The following NXPE2 variants were observed in gnomAD, a reference collection of about 807,000 sequenced individuals.
NXPE2 encodes the protein neurexophilin and PC-esterase domain family member 2.
NXPE2 carries 34 observed loss-of-function variants against 34.4 expected under a neutral mutation model. The observed-to-expected ratio is 0.99, with a 90% CI of 0.75 to 1.31. The LOEUF (loss-of-function observed/expected upper bound fraction) is 1.31, where lower values mean the gene tolerates loss of function less well. Among genes scored for constraint, NXPE2 ranks in the 40% most tolerant of loss-of-function variants. The probability of loss-of-function intolerance (pLI) is 0.00; values close to 1 mark genes in which losing one functional copy is unlikely to be tolerated. For missense variants in NXPE2, 649 were observed against 672.5 expected (o/e 0.97, Z 0.39); for synonymous variants, 235 against 231.3 (o/e 1.02, Z -0.15).
At chr11:114,672,245 CA>C in the NXPE2 span, among the ~76,000 whole-genome samples, 5 of 151,764 alleles carry the variant, frequency 3.3e-5, no homozygotes, top group African/African-American at 1.2e-4. Flanking sequence ...ATATCACACA[CA>C]AAAAGCAACT....
the NXPE2 span, among the ~76,000 whole-genome samples, chr11:114,464,991 A>G: frequency 1.3e-5 from 2 of 152,202 alleles, no homozygotes; most frequent in Non-Finnish European, 2.9e-5. Flanking sequence ...TTAAACTACA[A>G]TAAGAAATTT....
the NXPE2 span, among the ~76,000 whole-genome samples, chr11:114,793,374 G>C: frequency 2.0e-5 from 3 of 151,878 alleles, no homozygotes; most frequent in Non-Finnish European, 4.4e-5. Flanking sequence ...CTAAACAAAA[G>C]ACATAGAAGA....
At chr11:114,582,144 C>G in the NXPE2 span, 1 of 855,504 alleles carries the variant, frequency 1.2e-6, no homozygotes, top group Non-Finnish European at 1.8e-6. Flanking sequence ...GGCACTGTCT[C>G]TAAATGAATT....
At chr11:114,530,601 C>T in the NXPE2 span, 1 of 1,614,150 alleles carries the variant, frequency 6.2e-7, no homozygotes, top group South Asian at 1.1e-5. Context: ...CAGGAAATCC[C>T]CACCATATTG....
At chr11:114,467,563 A>G in the NXPE2 span, among the ~76,000 whole-genome samples, 2 of 152,172 alleles carry the variant, frequency 1.3e-5, no homozygotes, top group African/African-American at 4.8e-5. Flanking sequence ...ATGCCTCAGT[A>G]CTAGGGACCG....
the NXPE2 span, among the ~76,000 whole-genome samples, chr11:114,645,497 A>G: frequency 1.1e-4 from 16 of 152,148 alleles, no homozygotes; most frequent in Non-Finnish European, 1.6e-4. Flanking sequence ...ACCAAAAACA[A>G]AAACATAAAT....
the NXPE2 span, among the ~76,000 whole-genome samples, chr11:114,802,472 CAGTCACAGGCCAGGAGAACAG>C: frequency 6.6e-6 from 1 of 152,200 alleles, no homozygotes; most frequent in African/African-American, 2.4e-5. Flanking sequence ...TCCTTGGAAC[CAGTCACAGGCCAGGAGAACAG>C]AATAACACAG....
the NXPE2 span, among the ~76,000 whole-genome samples, chr11:114,543,567 G>A: frequency 6.6e-6 from 1 of 151,688 alleles, no homozygotes; most frequent in Non-Finnish European, 1.5e-5. Flanking sequence ...CCAAATCACT[G>A]TGGCTTACAT....
chr11:114,475,235 T>G, the NXPE2 span, among the ~76,000 whole-genome samples: 1 of 23,554 alleles, frequency 4.2e-5, no homozygotes, highest in South Asian at 1.9e-3. Flanking sequence ...TGTTTTTTTT[T>G]TTTTTTTTTT....
the NXPE2 span, among the ~76,000 whole-genome samples, chr11:114,769,043 T>A: frequency 6.6e-6 from 1 of 151,656 alleles, no homozygotes; most frequent in Non-Finnish European, 1.5e-5. Flanking sequence ...CGGGAGAAAA[T>A]TTTTGCAATC....
the NXPE2 span, among the ~76,000 whole-genome samples, chr11:114,766,519 C>T: frequency 6.6e-6 from 1 of 152,106 alleles, no homozygotes; most frequent in African/African-American, 2.4e-5. Flanking sequence ...CACTCCTCTC[C>T]TTGCTTTATT....
the NXPE2 span, among the ~76,000 whole-genome samples, chr11:114,752,911 C>T: frequency 1.4e-4 from 21 of 152,048 alleles, no homozygotes; most frequent in African/African-American, 5.1e-4. Context: ...GATAAGAAGA[C>T]CAAGGAAGAC....
rs1174128075 is a variant in NXPE2 at position 114,679,722 on chromosome 11, T to C, written c.92T>C (p.Ile31Thr). ...KLLLMLTFIL[I>T]FWIIYLASKD... ...CTGCTGATGTTGACATTTATCTTAATTTTCTGGATCATTTACTTGGCTTCA... is the reference window on the plus strand; with the variant it reads ...CTGCTGATGTTGACATTTATCTTAACTTTCTGGATCATTTACTTGGCTTCA... Residue 31 changes from isoleucine to threonine, a missense_variant, in exon 2 of 6, where the codon ATT becomes ACT. By Grantham distance (89) the Ile-to-Thr change is moderately conservative (BLOSUM62 -1). Transcript: ENST00000389586. 1 of 1,550,708 alleles carries C rather than the reference T, an allele frequency of 6.4e-7. No homozygotes were observed. Among genetic ancestry groups the C allele is most frequent in the South Asian group, 1.2e-5 (1 of 83,942 alleles).
At chr11:114,750,953 G>C in the NXPE2 span, among the ~76,000 whole-genome samples, 2 of 151,852 alleles carry the variant, frequency 1.3e-5, no homozygotes, top group Non-Finnish European at 2.9e-5. Flanking sequence ...TTGATTTCTT[G>C]ATGGCATTTT....
At chr11:114,636,855 C>A in the NXPE2 span, among the ~76,000 whole-genome samples, 1 of 152,058 alleles carries the variant, frequency 6.6e-6, no homozygotes, top group Non-Finnish European at 1.5e-5. Context: ...TGTTCTTTTA[C>A]ATTTTCTGAG....
chr11:114,609,527 T>C, the NXPE2 span, among the ~76,000 whole-genome samples: 1 of 151,876 alleles, frequency 6.6e-6, no homozygotes, highest in East Asian at 1.9e-4. Flanking sequence ...GCTTCGTGGG[T>C]AACCACTGTT....
At chr11:114,599,414 C>T in the NXPE2 span, among the ~76,000 whole-genome samples, 4 of 152,166 alleles carry the variant, frequency 2.6e-5, no homozygotes, top group Non-Finnish European at 5.9e-5. Flanking sequence ...GGGCCCTCCA[C>T]CCTCTGCCTG....
chr11:114,556,043 A>G, the NXPE2 span, among the ~76,000 whole-genome samples: 106 of 152,320 alleles, frequency 7.0e-4, no homozygotes, highest in African/African-American at 2.0e-3. Context: ...TGACAGGGCC[A>G]TATGGTAAGT....
chr11:114,563,753 A>C, the NXPE2 span, among the ~76,000 whole-genome samples: 1 of 152,224 alleles, frequency 6.6e-6, no homozygotes, highest in Non-Finnish European at 1.5e-5. Context: ...GGGAAATACA[A>C]ATCGAAACCA....
Sources: gnomAD v4.1 joint callset for allele counts (sites outside exome capture counted in the v4.1 genomes callset) on GRCh38, gnomAD v4.1.1 for gene constraint, MANE v1.5 for transcripts, NCBI Gene and HGNC (gene_info 2026-07-23, HGNC 2026-07-21) for gene names.